Variants in PARM1 observed in about 807,000 individuals in gnomAD.
PARM1 encodes prostate androgen-regulated mucin-like protein 1.
Under a neutral mutation model 24.6 loss-of-function variants are expected in PARM1, and 14 were observed. The ratio of observed to expected loss-of-function variants is 0.57; its 90% confidence interval spans 0.38 to 0.89. The LOEUF is 0.89. PARM1 is among the 40% of genes least tolerant of loss of function. PARM1 has a pLI of 0.00. For synonymous variants in PARM1, 179 were observed against 156.6 expected (o/e 1.14, Z -1.07); for missense variants, 362 against 380.4 (o/e 0.95, Z 0.40).
At position 74,992,108 on chromosome 4, in the gene PARM1, T is replaced by C. The variant is rs377293110; in HGVS notation, c.44-20317T>C. ...AAGGTGTGTAGGAAGGGATGTGGAGTTTCCATTCCCTCTCTGGCAGCCACC... is the reference window on the plus strand; with the variant it reads ...AAGGTGTGTAGGAAGGGATGTGGAGCTTCCATTCCCTCTCTGGCAGCCACC... On this transcript the variant is annotated intron_variant, in intron 1 of 3. Coordinates refer to ENST00000307428, the MANE Select transcript of PARM1 (RefSeq NM_015393.4). Among the ~76,000 whole-genome samples the C allele has an allele frequency of 3.4e-3, 509 of 151,880 alleles. 6 individuals carry two copies. The highest frequency in any genetic ancestry group is 0.011 in the African/African-American group (474 of 41,432).
chr4:74,942,269 T>C (rs1394643313), intron 1 of PARM1, among the ~76,000 whole-genome samples: 1 of 152,216 alleles, frequency 6.6e-6, no homozygotes, highest in African/African-American at 2.4e-5. Context: ...AGTGTGTGCT[T>C]TATAAATTTT....
At chr4:75,037,917 G>A (rs990123679) in intron 3 of PARM1, among the ~76,000 whole-genome samples, 11 of 152,108 alleles carry the variant, frequency 7.2e-5, no homozygotes, top group African/African-American at 2.7e-4. Flanking sequence ...TGCACTCTGG[G>A]GCAAGTTTTC....
At chr4:75,045,041 G>A (rs1170877271) in intron 3 of PARM1, among the ~76,000 whole-genome samples, 2 of 152,120 alleles carry the variant, frequency 1.3e-5, no homozygotes, top group African/African-American at 4.8e-5. Flanking sequence ...ATTTGGGTGG[G>A]GACACAGCCA....
intron 1 of PARM1, among the ~76,000 whole-genome samples, chr4:74,997,065 C>A (rs1417340552): frequency 6.6e-6 from 1 of 152,120 alleles, no homozygotes; most frequent in Non-Finnish European, 1.5e-5. Context: ...GCAATTACAG[C>A]CCCCTAGCTA....
chr4:74,982,350 G>A (rs1004428573), intron 1 of PARM1, among the ~76,000 whole-genome samples: 1 of 152,046 alleles, frequency 6.6e-6, no homozygotes, highest in African/African-American at 2.4e-5. Context: ...TACATGCTGG[G>A]CTTAATACCT....
chr4:74,996,940 T>C (rs1323418468), intron 1 of PARM1, among the ~76,000 whole-genome samples: 4 of 152,248 alleles, frequency 2.6e-5, no homozygotes, highest in East Asian at 3.8e-4. Context: ...TTCAATTACA[T>C]AGCAAATAGA....
chr4:74,975,775 T>G (rs1200968809), intron 1 of PARM1, among the ~76,000 whole-genome samples: 1 of 152,128 alleles, frequency 6.6e-6, no homozygotes, highest in Non-Finnish European at 1.5e-5. Flanking sequence ...TTGTAGAAAA[T>G]TAGAACATTG....
chr4:74,991,132 T>C (rs985373392), intron 1 of PARM1, among the ~76,000 whole-genome samples: 1 of 152,108 alleles, frequency 6.6e-6, no homozygotes, highest in Non-Finnish European at 1.5e-5. Context: ...TTCTTGAGCA[T>C]AAAGGATATA....
intron 1 of PARM1, among the ~76,000 whole-genome samples, chr4:74,944,587 G>A (rs1396653101): frequency 6.6e-6 from 1 of 152,120 alleles, no homozygotes; most frequent in African/African-American, 2.4e-5. Context: ...CGAGTGAAAT[G>A]AAAAGCAGGG....
chr4:74,975,901 G>T (rs1722131615), intron 1 of PARM1, among the ~76,000 whole-genome samples: 1 of 152,152 alleles, frequency 6.6e-6, no homozygotes, highest in Non-Finnish European at 1.5e-5. Flanking sequence ...AGGTATTCAG[G>T]TTTTTCTCAT....
intron 1 of PARM1, chr4:74,956,736 C>T (rs1721643660): frequency 6.6e-6 from 1 of 152,198 alleles, no homozygotes; most frequent in African/African-American, 2.4e-5. Context: ...CCAGTATTTA[C>T]TCTATAATCT....
At chr4:74,976,126 A>G (rs535642764) in intron 1 of PARM1, among the ~76,000 whole-genome samples, 1 of 152,232 alleles carries the variant, frequency 6.6e-6, no homozygotes, top group East Asian at 1.9e-4. Flanking sequence ...TTGGATCCTG[A>G]GCACAGAATC....
chr4:74,936,755 A>C (rs1341126128), intron 1 of PARM1, among the ~76,000 whole-genome samples: 1 of 152,004 alleles, frequency 6.6e-6, no homozygotes, highest in East Asian at 1.9e-4. Context: ...GCGCCCGGGC[A>C]CGTTCAAGTT....
At chr4:74,961,004 C>CAAAA (rs1161009878) in intron 1 of PARM1, among the ~76,000 whole-genome samples, 2 of 95,592 alleles carry the variant, frequency 2.1e-5, no homozygotes, top group Non-Finnish European at 2.2e-5. Context: ...GACTCCGTCT[C>CAAAA]AAAAAAAAAA....
rs1171242864 is a variant in PARM1 at position 74,943,931 on chromosome 4, T to C, written c.43+10561T>C. Reference sequence around the variant, plus strand: ...GGCATTTCCTTGACCTTAGAGACCCTGTGCTACCTTCTTCGGTTGTTCTGA... The same window carrying C: ...GGCATTTCCTTGACCTTAGAGACCCCGTGCTACCTTCTTCGGTTGTTCTGA... On this transcript the variant is annotated intron_variant, in intron 1 of 3. Transcript: ENST00000307428. 3.3e-5 allele frequency among the ~76,000 whole-genome samples: 5 copies of C among 152,364 alleles called. No homozygotes were observed. The East Asian group carries it at 9.6e-4, about 29-fold the overall frequency.
intron 2 of PARM1, among the ~76,000 whole-genome samples, chr4:75,023,670 C>T (rs569784119): frequency 2.0e-5 from 3 of 152,288 alleles, no homozygotes; most frequent in Admixed American, 6.5e-5. Context: ...GCTATGTTCA[C>T]ATCTGAAATA....
chr4:75,029,211 C>T (rs1445378990), intron 2 of PARM1, among the ~76,000 whole-genome samples: 2 of 152,140 alleles, frequency 1.3e-5, no homozygotes, highest in Non-Finnish European at 2.9e-5. Context: ...AGGAATACCC[C>T]CAAAGGCAGC....
chr4:74,975,261 A>G (rs1187907346), intron 1 of PARM1, among the ~76,000 whole-genome samples: 1 of 152,062 alleles, frequency 6.6e-6, no homozygotes, highest in African/African-American at 2.4e-5. Flanking sequence ...AGTTAAATGA[A>G]CTCTAGTTAG....
At position 74,933,280 on chromosome 4, in the gene PARM1, A is replaced by C. The variant is rs374380466; in HGVS notation, c.-48A>C. On this transcript the variant is annotated 5_prime_UTR_variant, in exon 1 of 4. Coordinates refer to ENST00000307428, the MANE Select transcript of PARM1 (RefSeq NM_015393.4). Reference sequence around the variant, plus strand: ...CGCCCAGTGCGCTCTGTCAGTCCGCAAACTCCTTGCCGCCCGCCCCGGGCT... The same window carrying C: ...CGCCCAGTGCGCTCTGTCAGTCCGCCAACTCCTTGCCGCCCGCCCCGGGCT... The C allele has an allele frequency of 3.8e-6, 6 of 1,579,978 alleles. No individual in the cohort carries two copies. The highest frequency in any genetic ancestry group is 5.2e-6 in the Non-Finnish European group (6 of 1,152,690).
Sources: allele counts gnomAD v4.1 joint callset (sites outside exome capture counted in the v4.1 genomes callset), GRCh38; gene constraint gnomAD v4.1.1; transcripts MANE v1.5; gene names NCBI Gene and HGNC (gene_info 2026-07-23, HGNC 2026-07-21).